The following TRERF1 variants were observed in gnomAD, a reference collection of about 807,000 sequenced individuals.
TRERF1 encodes transcriptional-regulating factor 1.
A neutral mutation model predicts 122.9 loss-of-function variants in TRERF1; 27 were observed. The ratio of observed to expected loss-of-function variants is 0.22; its 90% CI spans 0.16 to 0.30. The LOEUF is 0.30. Ranked by LOEUF, TRERF1 falls within the 10% of genes least tolerant of loss-of-function variation. TRERF1 has a pLI of 1.00. For synonymous variants in TRERF1, 636 were observed against 641.7 expected (o/e 0.99, Z 0.13); for missense variants, 1,248 against 1,560.3 (o/e 0.80, Z 3.37).
chr6:42,306,006 T>TTTTTC (rs1230175160), intron 3 of TRERF1, among the ~76,000 whole-genome samples: 1 of 135,848 alleles, frequency 7.4e-6, no homozygotes, highest in Non-Finnish European at 1.6e-5. Flanking sequence ...TTTTTTTTTT[T>TTTTTC]TTTTTTTTTT....
chr6:42,271,675 T>C (rs76845040), intron 4 of TRERF1, among the ~76,000 whole-genome samples: 3,627 of 152,322 alleles, frequency 0.024, 128 homozygotes, highest in African/African-American at 0.081. Flanking sequence ...TTTATGTTTA[T>C]AATTTATCCA....
intron 3 of TRERF1, among the ~76,000 whole-genome samples, chr6:42,350,770 C>T (rs1239345806): frequency 6.6e-6 from 1 of 152,196 alleles, no homozygotes; most frequent in Non-Finnish European, 1.5e-5. Flanking sequence ...TAATACCACA[C>T]ATCGGGGCTC....
At chr6:42,406,756 C>A (rs1582043617) in intron 2 of TRERF1, among the ~76,000 whole-genome samples, 1 of 151,774 alleles carries the variant, frequency 6.6e-6, no homozygotes, top group South Asian at 2.1e-4. Context: ...ATGACACTTA[C>A]CCCCCACCCC....
chr6:42,429,088 T>A (rs1051782302), intron 2 of TRERF1, among the ~76,000 whole-genome samples: 3 of 152,172 alleles, frequency 2.0e-5, no homozygotes, highest in African/African-American at 7.2e-5. Flanking sequence ...AACAAATGAA[T>A]GAAAGCCACT....
intron 2 of TRERF1, among the ~76,000 whole-genome samples, chr6:42,407,059 A>C (rs1489485730): frequency 6.6e-6 from 1 of 152,202 alleles, no homozygotes; most frequent in African/African-American, 2.4e-5. Flanking sequence ...GCTCCCAAGT[A>C]AAGGAACTCA....
intron 3 of TRERF1, among the ~76,000 whole-genome samples, chr6:42,333,697 G>C (rs981977358): frequency 6.6e-6 from 1 of 152,150 alleles, no homozygotes; most frequent in South Asian, 2.1e-4. Flanking sequence ...TCCAAAAGGG[G>C]CCCCATGACT....
chr6:42,433,099 G>C lies in TRERF1; in HGVS notation c.-454+18078C>G, dbSNP rs75742085. On this transcript the variant is annotated intron_variant, in intron 2 of 17. Coordinates refer to ENST00000372922, the Ensembl canonical transcript of TRERF1. ...GGACTTGAGGGACCAGGCTCCTAGA[G>C]GAAAGGGAGGTGCAGTGAGGTGAGC... is the stretch of plus-strand genomic sequence containing the variant. 6.5e-3 allele frequency among the ~76,000 whole-genome samples: 991 copies of C among 152,236 alleles called. 10 individuals are homozygous for C. Among genetic ancestry groups the C allele is most frequent in the East Asian group, 0.052 (271 of 5,172 alleles).
intron 2 of TRERF1, among the ~76,000 whole-genome samples, chr6:42,447,759 C>T (rs1787788824): frequency 6.6e-6 from 1 of 152,168 alleles, no homozygotes; most frequent in Non-Finnish European, 1.5e-5. Context: ...GGCTGGAGTG[C>T]AATGGCATGA....
intron 2 of TRERF1, among the ~76,000 whole-genome samples, chr6:42,445,977 C>T (rs904303512): frequency 1.4e-4 from 21 of 152,238 alleles, no homozygotes; most frequent in African/African-American, 4.3e-4. Flanking sequence ...TGCAGTGGCA[C>T]GATCTCCACT....
Position 42,288,049 on chromosome 6 carries a change from A to C in TRERF1, c.-259+12589T>G, listed in dbSNP as rs116062400. Among the ~76,000 whole-genome samples, 14 of 151,992 alleles carry C rather than the reference A, an allele frequency of 9.2e-5. No homozygotes were observed. In the South Asian group the frequency reaches 2.9e-3, roughly 32 times the overall value. On this transcript the variant is annotated intron_variant, in intron 4 of 17. Transcript: ENST00000372922. ...TTCCCATTCTCCACCTTCTCAGCCTACAAGTTCCTGTTCAAACCTAATGTC... is the reference window on the plus strand; with the variant it reads ...TTCCCATTCTCCACCTTCTCAGCCTCCAAGTTCCTGTTCAAACCTAATGTC...
chr6:42,441,012 A>G (rs1786418821), intron 2 of TRERF1, among the ~76,000 whole-genome samples: 2 of 152,134 alleles, frequency 1.3e-5, no homozygotes, highest in Non-Finnish European at 2.9e-5. Flanking sequence ...GCATTTTTAC[A>G]TGCCTGCCGC....
chr6:42,254,745 G>T, intron 13 of TRERF1, 106 bp downstream of exon 13: 1 of 1,051,668 alleles, frequency 9.5e-7, no homozygotes, highest in Non-Finnish European at 1.5e-6. Context: ...CACAAGTGGT[G>T]ATTAGGACAG....
At chr6:42,450,660 G>T (rs1582319358) in intron 2 of TRERF1, among the ~76,000 whole-genome samples, 3 of 152,100 alleles carry the variant, frequency 2.0e-5, no homozygotes, top group East Asian at 3.9e-4. Context: ...TTTAATATCT[G>T]TTTCTTAAGA....
intron 2 of TRERF1, among the ~76,000 whole-genome samples, chr6:42,443,276 T>G (rs528111426): frequency 1.3e-5 from 2 of 152,370 alleles, no homozygotes; most frequent in African/African-American, 4.8e-5. Flanking sequence ...TCTCTGCTTT[T>G]GTGTATGTTT....
chr6:42,306,756 C>T (rs907153112), intron 3 of TRERF1, among the ~76,000 whole-genome samples: 2 of 152,244 alleles, frequency 1.3e-5, no homozygotes, highest in Admixed American at 1.3e-4. Context: ...GGGAAGATGT[C>T]TCCATCCCTC....
At chr6:42,264,588 G>C (rs1778809077) in intron 7 of TRERF1, 116 bp downstream of exon 7, 8 of 1,473,886 alleles carry the variant, frequency 5.4e-6, no homozygotes, top group Admixed American at 2.3e-5. Context: ...CCTGTCAAGG[G>C]AGGACTGTGC....
intron 15 of TRERF1, among the ~76,000 whole-genome samples, chr6:42,241,052 C>T (rs972646456): frequency 6.6e-6 from 1 of 152,060 alleles, no homozygotes; most frequent in East Asian, 1.9e-4. Flanking sequence ...ACTACCACGT[C>T]CAGTTAATTT....
chr6:42,429,964 C>T (rs1473861732), intron 2 of TRERF1, among the ~76,000 whole-genome samples: 2 of 151,822 alleles, frequency 1.3e-5, no homozygotes, highest in African/African-American at 2.4e-5. Context: ...GAAAGAGGGC[C>T]GGGAGGGAGC....
chr6:42,353,692 AC>A (rs1769930884), intron 3 of TRERF1, among the ~76,000 whole-genome samples: 2 of 152,244 alleles, frequency 1.3e-5, no homozygotes, highest in Non-Finnish European at 2.9e-5. Context: ...GTATTCATGT[AC>A]TGAAACAATG....
Sources: allele counts gnomAD v4.1 joint callset (sites outside exome capture counted in the v4.1 genomes callset), GRCh38; gene constraint gnomAD v4.1.1; transcripts MANE v1.5; gene names NCBI Gene and HGNC (gene_info 2026-07-23, HGNC 2026-07-21).